Variants in ATP9A observed in about 807,000 individuals in gnomAD.
The protein encoded by ATP9A is probable phospholipid-transporting ATPase IIA.
Under a neutral mutation model 144.1 loss-of-function variants are expected in ATP9A, and 52 were observed. The observed-to-expected ratio is 0.36, with a 90% CI of 0.29 to 0.45. ATP9A has a LOEUF of 0.45. Ranked by LOEUF, ATP9A falls within the 20% of genes least tolerant of loss-of-function variation. The pLI is 1.00. For synonymous variants in ATP9A, 582 were observed against 557.4 expected (o/e 1.04, Z -0.62); for missense variants, 947 against 1,392.7 (o/e 0.68, Z 5.09).
intron 9 of ATP9A, among the ~76,000 whole-genome samples, chr20:51,678,161 G>A (rs984937365): frequency 1.3e-5 from 2 of 151,904 alleles, no homozygotes; most frequent in African/African-American, 2.4e-5. Flanking sequence ...TGGGGGGCAG[G>A]CAGTTTGTAC....
intron 6 of ATP9A, among the ~76,000 whole-genome samples, chr20:51,695,283 G>C (rs868240763): frequency 7.9e-5 from 12 of 151,980 alleles, no homozygotes; most frequent in African/African-American, 2.9e-4. Context: ...AGGAGTTCGA[G>C]ACCAGCCTGG....
At chr20:51,756,329 C>A (rs1301045101) in intron 1 of ATP9A, among the ~76,000 whole-genome samples, 2 of 150,884 alleles carry the variant, frequency 1.3e-5, no homozygotes, top group African/African-American at 4.9e-5. Context: ...CTCGCTCTGT[C>A]GCCCAGGCTG....
At chr20:51,747,435 T>C (rs2077813581) in intron 1 of ATP9A, among the ~76,000 whole-genome samples, 1 of 152,048 alleles carries the variant, frequency 6.6e-6, no homozygotes, top group African/African-American at 2.4e-5. Flanking sequence ...CCCTGTGCAA[T>C]GGATTTGTAC....
At chr20:51,669,139 G>C (rs1027255657) in intron 13 of ATP9A, among the ~76,000 whole-genome samples, 1 of 152,110 alleles carries the variant, frequency 6.6e-6, no homozygotes, top group Admixed American at 6.6e-5. Flanking sequence ...ATTAGCAAGG[G>C]GTGTGTTTGT....
chr20:51,731,235 C>T (rs1383519815), intron 1 of ATP9A, among the ~76,000 whole-genome samples: 2 of 151,774 alleles, frequency 1.3e-5, no homozygotes, highest in Non-Finnish European at 1.5e-5. Context: ...ACCCAGTAGG[C>T]GGAGGTTGCA....
At chr20:51,641,407 G>T (rs1394506223) in intron 14 of ATP9A, among the ~76,000 whole-genome samples, 5 of 151,946 alleles carry the variant, frequency 3.3e-5, no homozygotes, top group Non-Finnish European at 5.9e-5. Context: ...TGTCGTCTCA[G>T]TTACTCAAGA....
At chr20:51,636,493 T>C (rs754419738) in intron 15 of ATP9A, among the ~76,000 whole-genome samples, 4 of 152,198 alleles carry the variant, frequency 2.6e-5, no homozygotes, top group Non-Finnish European at 5.9e-5. Context: ...ACCCTAACAT[T>C]ACTGTGGGTC....
intron 3 of ATP9A, among the ~76,000 whole-genome samples, chr20:51,723,263 G>A (rs1339042980): frequency 6.6e-6 from 1 of 152,136 alleles, no homozygotes; most frequent in Non-Finnish European, 1.5e-5. Flanking sequence ...AGAGTGGGGA[G>A]GGAGGCAAGG....
chr20:51,638,044 T>C (rs1195736151), intron 15 of ATP9A, among the ~76,000 whole-genome samples: 4 of 134,498 alleles, frequency 3.0e-5, no homozygotes, highest in Non-Finnish European at 6.3e-5. Context: ...TTCATTCCTT[T>C]CCATGGCTAA....
intron 3 of ATP9A, among the ~76,000 whole-genome samples, chr20:51,714,902 G>A (rs571638464): frequency 1.3e-5 from 2 of 152,198 alleles, no homozygotes; most frequent in East Asian, 1.9e-4. Context: ...ATAATATCTG[G>A]TTGGGTGGAG....
intron 3 of ATP9A, among the ~76,000 whole-genome samples, chr20:51,719,995 G>C (rs2077681870): frequency 6.6e-6 from 1 of 152,178 alleles, no homozygotes; most frequent in Non-Finnish European, 1.5e-5. Context: ...GTTGCAGTTA[G>C]CCCAGATCAT....
intron 25 of ATP9A, 150 bp downstream of exon 25, chr20:51,608,368 A>G: frequency 1.6e-6 from 1 of 621,306 alleles, no homozygotes; most frequent in East Asian, 2.7e-5. Flanking sequence ...CTTCCCCCCA[A>G]AAGTAAAAAA....
chr20:51,650,710 C>T (rs1211580833), intron 14 of ATP9A, among the ~76,000 whole-genome samples: 1 of 152,108 alleles, frequency 6.6e-6, no homozygotes. Flanking sequence ...AGGCTTCTCA[C>T]TCTGTGCCAT....
intron 24 of ATP9A, among the ~76,000 whole-genome samples, 149 bp downstream of exon 24, chr20:51,609,926 AAAACCTTGTTAATTGAAGGAGGTTCT>A (rs1195040979): frequency 6.6e-6 from 1 of 152,250 alleles, no homozygotes; most frequent in Non-Finnish European, 1.5e-5. Flanking sequence ...TTAACAGCTC[AAAACCTTGTTAATTGAAGGAGGTTCT>A]AAACCATGGT....
Position 51,619,037 on chromosome 20 carries a change from T to G in ATP9A, c.2122A>C (p.Asn708His), listed in dbSNP as rs1383805535. The G allele has an allele frequency of 2.5e-6, 4 of 1,613,946 alleles. No homozygotes were observed. Among genetic ancestry groups the G allele is most frequent in the Non-Finnish European group, 3.4e-6 (4 of 1,179,834 alleles). The change falls in exon 20 of 28, where the codon AAC becomes CAC. Residue 708 changes from asparagine to histidine, a missense_variant. By Grantham distance (68) the Asn-to-His change is moderately conservative. Transcript: ENST00000338821. The part of the protein sequence containing the change: ...QDIHVFRLVT[N>H]RGEAHLELNA... Reference sequence around the variant, plus strand: ...AGCTCGAGGTGAGCCTCCCCGCGGTTGGTCACCTGGAAGGGAACAGAGATG... The same window carrying G: ...AGCTCGAGGTGAGCCTCCCCGCGGTGGGTCACCTGGAAGGGAACAGAGATG...
At chr20:51,603,347 G>A (rs2077150356) in intron 27 of ATP9A, among the ~76,000 whole-genome samples, 1 of 152,196 alleles carries the variant, frequency 6.6e-6, no homozygotes, top group Admixed American at 6.5e-5. Context: ...GCTTGAGTTT[G>A]CCCCGTGCGG....
chr20:51,739,503 C>T (rs1444982255), intron 1 of ATP9A, among the ~76,000 whole-genome samples: 1 of 152,000 alleles, frequency 6.6e-6, no homozygotes, highest in Non-Finnish European at 1.5e-5. Context: ...AGGCACCCGC[C>T]ACCATGCCCG....
intron 3 of ATP9A, among the ~76,000 whole-genome samples, chr20:51,722,682 A>G (rs2077694800): frequency 6.6e-6 from 1 of 152,186 alleles, no homozygotes; most frequent in Non-Finnish European, 1.5e-5. Flanking sequence ...TAATCTAAAA[A>G]TCAAAAAACA....
chr20:51,606,636 C>G (rs919063744), intron 26 of ATP9A, among the ~76,000 whole-genome samples: 8 of 152,252 alleles, frequency 5.3e-5, no homozygotes, highest in African/African-American at 1.4e-4. Flanking sequence ...GTGTCAGCAC[C>G]CGACAGGATC....
Sources: allele counts gnomAD v4.1 joint callset (sites outside exome capture counted in the v4.1 genomes callset), GRCh38; gene constraint gnomAD v4.1.1; transcripts MANE v1.5; gene names NCBI Gene and HGNC (gene_info 2026-07-23, HGNC 2026-07-21).